The following MED12L variants were observed in gnomAD, a reference collection of about 807,000 sequenced individuals.
MED12L encodes the protein mediator of RNA polymerase II transcription subunit 12-like protein.
A neutral mutation model predicts 281.3 loss-of-function variants in MED12L; 60 were observed. The observed-to-expected ratio is 0.21, with a 90% confidence interval of 0.17 to 0.26. The LOEUF is 0.26. Among genes scored for constraint, MED12L ranks in the 10% least tolerant of loss-of-function variants. MED12L has a pLI of 1.00. For synonymous variants in MED12L, 974 were observed against 987.2 expected (o/e 0.99, Z 0.25); for missense variants, 2,146 against 2,680.9 (o/e 0.80, Z 4.41).
chr3:151,168,190 A>G (rs1720961131), intron 11 of MED12L, among the ~76,000 whole-genome samples: 1 of 152,202 alleles, frequency 6.6e-6, no homozygotes, highest in East Asian at 1.9e-4. Context: ...TAAATCACAG[A>G]TATCTCCGGA....
chr3:151,171,916 C>T (rs79896672), intron 11 of MED12L, among the ~76,000 whole-genome samples: 6,297 of 152,216 alleles, frequency 0.041, 172 homozygotes, highest in Middle Eastern at 0.085. Context: ...ATTATCAGCC[C>T]CAAGTACCAT....
chr3:151,328,542 A>G (rs201802200), intron 16 of MED12L: 4 of 1,613,942 alleles, frequency 2.5e-6, no homozygotes, highest in East Asian at 4.5e-5. Flanking sequence ...GAGATGAAGA[A>G]CAAAAAGAAC....
At chr3:151,180,300 G>A (rs772435217) in intron 11 of MED12L, among the ~76,000 whole-genome samples, 2 of 152,220 alleles carry the variant, frequency 1.3e-5, no homozygotes, top group African/African-American at 2.4e-5. Context: ...TCAGATGTCA[G>A]TAAGTTGGGA....
chr3:151,291,150 G>GTTTTTTTTTTTTTTTT (rs59482240), intron 16 of MED12L, among the ~76,000 whole-genome samples: 1 of 127,556 alleles, frequency 7.8e-6, no homozygotes. Flanking sequence ...CTTGTTTTCT[G>GTTTTTTTTTTTTTTTT]TTTTTTTTTT....
At chr3:151,318,963 C>T (rs1486794973) in intron 16 of MED12L, among the ~76,000 whole-genome samples, 1 of 152,166 alleles carries the variant, frequency 6.6e-6, no homozygotes, top group Non-Finnish European at 1.5e-5. Flanking sequence ...CCCAATACCT[C>T]TGTAAGCAAC....
intron 16 of MED12L, among the ~76,000 whole-genome samples, chr3:151,285,619 A>C (rs1243303578): frequency 6.6e-6 from 1 of 152,154 alleles, no homozygotes; most frequent in Non-Finnish European, 1.5e-5. Context: ...AAAATCTCAA[A>C]AATCACCGCT....
At chr3:151,366,235 T>G (rs1755252305) in intron 23 of MED12L, among the ~76,000 whole-genome samples, 1 of 152,192 alleles carries the variant, frequency 6.6e-6, no homozygotes, top group Non-Finnish European at 1.5e-5. Context: ...TTTCTTTGTT[T>G]CCTGAAATTT....
chr3:151,247,543 A>G (rs28537149), intron 16 of MED12L, among the ~76,000 whole-genome samples: 70,435 of 144,420 alleles, frequency 0.49, 17,383 homozygotes, highest in Middle Eastern at 0.62. Flanking sequence ...ATTCTCACTC[A>G]TAGGTGGGAA....
intron 33 of MED12L, among the ~76,000 whole-genome samples, chr3:151,383,191 G>A (rs926198103): frequency 3.3e-5 from 5 of 152,182 alleles, no homozygotes; most frequent in Non-Finnish European, 5.9e-5. Context: ...CTCACATATT[G>A]TGCATTCCTT....
rs1753029414 is a variant in MED12L, at chr3:151,350,071, A to G, written c.2263A>G (p.Ser755Gly). ...HFPIPLDESS[S>G]HECNQRTILL... Reference sequence around the variant, plus strand: ...TTCTGTTTTTCAGGATGAATCTTCAAGTCATGAATGTAACCAGCGCACAAT... The same window carrying G: ...TTCTGTTTTTCAGGATGAATCTTCAGGTCATGAATGTAACCAGCGCACAAT... The change falls in exon 17 of 45, where the codon AGT becomes GGT. Residue 755 changes from serine (S) to glycine (G), a missense_variant. Around this residue, in one of 9 missense-constraint regions of MED12L, gnomAD observed 404 missense variants for 603.5 expected, o/e 0.67. Coordinates refer to ENST00000687756, the MANE Select transcript of MED12L (RefSeq NM_001393769.1). The G allele has an allele frequency of 6.2e-7, 1 of 1,610,234 alleles. No homozygotes were observed. Among genetic ancestry groups the G allele is most frequent in the African/African-American group, 1.3e-5 (1 of 74,738 alleles).
At chr3:151,415,620 A>G (rs1298827583) in intron 42 of MED12L, among the ~76,000 whole-genome samples, 1 of 152,254 alleles carries the variant, frequency 6.6e-6, no homozygotes, top group Non-Finnish European at 1.5e-5. Context: ...TGTCATCATT[A>G]TCAGGATGAA....
intron 16 of MED12L, among the ~76,000 whole-genome samples, chr3:151,272,204 G>C (rs143299255): frequency 6.6e-6 from 1 of 152,308 alleles, no homozygotes; most frequent in Non-Finnish European, 1.5e-5. Context: ...TAGATGGTTT[G>C]TGCTGTGTTT....
intron 16 of MED12L, among the ~76,000 whole-genome samples, chr3:151,290,470 T>G (rs1744094898): frequency 1.3e-5 from 2 of 152,220 alleles, no homozygotes; most frequent in South Asian, 4.1e-4. Flanking sequence ...TGGAAAATTT[T>G]ATTTAACACT....
chr3:151,110,480 ATCTTAT>A (rs1353600845), intron 2 of MED12L, among the ~76,000 whole-genome samples: 1 of 152,192 alleles, frequency 6.6e-6, no homozygotes, highest in Non-Finnish European at 1.5e-5. Flanking sequence ...TGGAACTTGA[ATCTTAT>A]TCTTATCTTT....
rs757250926 is a variant in MED12L at position 151,388,049 on chromosome 3, T to A, written c.5328T>A (p.Ser1776=). 1 of 1,613,784 alleles carries A rather than the reference T, an allele frequency of 6.2e-7. No individual in the cohort carries two copies. Among genetic ancestry groups the A allele is most frequent in the East Asian group, 2.2e-5 (1 of 44,828 alleles). Residue 1776 remains serine, a synonymous_variant, in exon 37 of 45, where the codon TCT becomes TCA. Transcript: ENST00000687756. ...AGGAGGAAGAGGAAGAGCCCACATC[T>A]CCAGTTTCTCAGGAACCAGAAAGGA... ...PPEEEEEEPT[S]PVSQEPERKS...
At chr3:151,247,630 A>T (rs957714070) in intron 16 of MED12L, among the ~76,000 whole-genome samples, 3 of 118,594 alleles carry the variant, frequency 2.5e-5, no homozygotes, top group African/African-American at 9.2e-5. Flanking sequence ...GGGAGGGGGG[A>T]GGGATAGCAT....
At position 151,384,135 on chromosome 3, in the gene MED12L, T is replaced by C; in HGVS notation, c.4843T>C (p.Leu1615=). 2 of 1,614,064 alleles carry C rather than the reference T, an allele frequency of 1.2e-6. No homozygotes were observed. Among genetic ancestry groups the C allele is most frequent in the Non-Finnish European group, 1.7e-6 (2 of 1,179,932 alleles). The change falls in exon 35 of 45, where the codon TTA becomes CTA. Residue 1615 remains leucine, a synonymous_variant. Coordinates refer to ENST00000687756, the MANE Select transcript of MED12L (RefSeq NM_001393769.1). The part of the protein sequence containing the change: ...DMLGVLINGT[L]ASDLSNASPG... ...GCTGGGTGTTTTAATCAATGGAACG[T>C]TAGCCTCTGACCTATCAAATGCATC...
chr3:151,183,864 C>T (rs1224769499), intron 11 of MED12L, among the ~76,000 whole-genome samples: 1 of 152,156 alleles, frequency 6.6e-6, no homozygotes, highest in Non-Finnish European at 1.5e-5. Flanking sequence ...CATATTACTG[C>T]TTAGATTAAT....
intron 16 of MED12L, among the ~76,000 whole-genome samples, chr3:151,277,148 C>T (rs1396532325): frequency 6.6e-6 from 1 of 151,938 alleles, no homozygotes; most frequent in East Asian, 1.9e-4. Flanking sequence ...CCTGAGGCCA[C>T]TCACCTTGGC....
Sources: gnomAD v4.1 joint callset for allele counts (sites outside exome capture counted in the v4.1 genomes callset) on GRCh38, gnomAD v4.1.1 for gene constraint, gnomAD v4.1.1 regional missense constraint, MANE v1.5 for transcripts, NCBI Gene and HGNC (gene_info 2026-07-23, HGNC 2026-07-21) for gene names.